TRIP11: variants seen among roughly 807,000 people sequenced by gnomAD.
TRIP11 encodes the protein thyroid receptor-interacting protein 11.
A neutral mutation model predicts 223.1 loss-of-function variants in TRIP11; 148 were observed. That is an observed-to-expected ratio of 0.66 (90% confidence interval 0.58 to 0.76). The LOEUF is 0.76. Among genes scored for constraint, TRIP11 ranks in the 30% least tolerant of loss-of-function variants. The probability of loss-of-function intolerance (pLI) is 0.00; values close to 1 mark genes in which losing one functional copy is unlikely to be tolerated. For missense variants in TRIP11, 2,043 were observed against 2,222.0 expected, an observed-to-expected ratio of 0.92 and a Z score of 1.62; for synonymous variants, 762 against 772.6, an observed-to-expected ratio of 0.99 and a Z score of 0.23.
At chr14:92,017,646 G>T in intron 5 of TRIP11, 36 bp downstream of exon 5, 1 of 1,513,094 alleles carries the variant, frequency 6.6e-7, no homozygotes, top group Non-Finnish European at 9.2e-7. Context: ...AGATTTAGAT[G>T]TATAACTCCC....
intron 9 of TRIP11, 99 bp downstream of exon 9, chr14:92,010,887 G>T: frequency 8.9e-7 from 1 of 1,118,664 alleles, no homozygotes; most frequent in Non-Finnish European, 1.4e-6. Flanking sequence ...AAGGACTTGA[G>T]CTCAATTACT....
At chr14:92,031,342 TG>T (rs1356111800) in intron 2 of TRIP11, among the ~76,000 whole-genome samples, 1 of 152,048 alleles carries the variant, frequency 6.6e-6, no homozygotes, top group East Asian at 1.9e-4. Context: ...TGACCTCAAG[TG>T]ATCTGCCCAC....
rs765743627 is a variant in TRIP11 at position 91,993,908 on chromosome 14, T to C, written c.5061A>G (p.Glu1687=). The C allele has an allele frequency of 2.6e-5, 42 of 1,611,892 alleles. No homozygotes were observed. Among genetic ancestry groups the C allele is most frequent in the Non-Finnish European group, 3.4e-6 (4 of 1,178,856 alleles). Residue 1687 remains glutamate (E), a synonymous_variant, in exon 15 of 21, where the codon GAA becomes GAG. Transcript: ENST00000267622. ...QMVLEHFQQE[E]KAMYSAELEK... Reference sequence around the variant, plus strand: ...CGAGTTCAGCAGAATACATAGCTTTTTCCTCTAAAGAGAAAAGAAAGTTAA... The same window carrying C: ...CGAGTTCAGCAGAATACATAGCTTTCTCCTCTAAAGAGAAAAGAAAGTTAA...
At chr14:92,036,607 T>C (rs1224644131) in intron 1 of TRIP11, among the ~76,000 whole-genome samples, 3 of 152,238 alleles carry the variant, frequency 2.0e-5, no homozygotes, top group Non-Finnish European at 4.4e-5. Flanking sequence ...CTTCTGATAT[T>C]GTAAATATGG....
At chr14:91,990,521 T>G (rs1445098679) in intron 15 of TRIP11, among the ~76,000 whole-genome samples, 1 of 152,192 alleles carries the variant, frequency 6.6e-6, no homozygotes, top group Non-Finnish European at 1.5e-5. Flanking sequence ...TTTGGCTGGG[T>G]GCTGTGACAC....
intron 15 of TRIP11, among the ~76,000 whole-genome samples, chr14:91,993,212 C>A (rs1595377920): frequency 7.2e-5 from 11 of 151,852 alleles, no homozygotes; most frequent in African/African-American, 2.7e-4. Context: ...CGCAGTGGCT[C>A]TCACCTGTAA....
At chr14:91,976,211 A>G (rs762176083) in intron 16 of TRIP11, 22 bp from the exon 17 acceptor site, 1 of 1,600,730 alleles carries the variant, frequency 6.2e-7, no homozygotes, top group Admixed American at 1.7e-5. Context: ...TATGTGAATA[A>G]AGATAGCCAT....
Position 91,969,418 on chromosome 14 carries a change from G to A in TRIP11, c.*255C>T. 1 of 482,050 alleles carries A rather than the reference G, an allele frequency of 2.1e-6. No individual in the cohort carries two copies. Among genetic ancestry groups the A allele is most frequent in the Non-Finnish European group, 3.7e-6 (1 of 267,608 alleles). The allele number at this position is 482,050 out of a possible 1,614,324, so 29.9% of individuals were successfully genotyped here. On this transcript the variant is annotated 3_prime_UTR_variant, in exon 21 of 21. Coordinates refer to ENST00000267622, the MANE Select transcript of TRIP11 (RefSeq NM_004239.4). ...GTCTGTCTGTATTTTTGTAAATTAA[G>A]GTAAAAGATAAATTAAATGTTCCTA...
At chr14:91,992,268 T>C (rs142975818) in intron 15 of TRIP11, among the ~76,000 whole-genome samples, 117 of 151,184 alleles carry the variant, frequency 7.7e-4, no homozygotes, top group African/African-American at 2.6e-3. Flanking sequence ...CCAAACAAAA[T>C]AAGGAAGTAA....
intron 16 of TRIP11, among the ~76,000 whole-genome samples, chr14:91,986,880 G>A (rs531177843): frequency 3.3e-5 from 5 of 152,282 alleles, no homozygotes; most frequent in South Asian, 2.1e-4. Context: ...CAATACAGAA[G>A]ATGCTACCAT....
At chr14:92,027,874 A>G (rs889540522) in intron 2 of TRIP11, among the ~76,000 whole-genome samples, 3 of 152,200 alleles carry the variant, frequency 2.0e-5, no homozygotes, top group Non-Finnish European at 4.4e-5. Flanking sequence ...GAGAAAACCA[A>G]TGGAATAATC....
intron 7 of TRIP11, among the ~76,000 whole-genome samples, chr14:92,013,163 A>T (rs1234958034): frequency 6.6e-6 from 1 of 152,144 alleles, no homozygotes; most frequent in African/African-American, 2.4e-5. Flanking sequence ...GCTACTTGGG[A>T]GGCTGAGGGA....
Position 92,005,023 on chromosome 14 carries a change from C to T in TRIP11, c.2953G>A (p.Asp985Asn). Residue 985 changes from aspartate to asparagine, a missense_variant, in exon 11 of 21, where the codon GAC becomes AAC. Coordinates refer to ENST00000267622, the MANE Select transcript of TRIP11 (RefSeq NM_004239.4). ...ATATCAGAGTTATCTGTTTGAATGT[C>T]CTGTCTTTCTTCATGCAACTGGGTT... ...IKTQLHEERQDIQTDNSDIFQ... is the reference protein window; with the variant it reads ...IKTQLHEERQNIQTDNSDIFQ... The T allele has an allele frequency of 1.2e-6, 2 of 1,613,936 alleles. No homozygotes were observed. The highest frequency in any genetic ancestry group is 1.7e-6 in the Non-Finnish European group (2 of 1,180,000).
intron 15 of TRIP11, among the ~76,000 whole-genome samples, chr14:91,991,376 C>A (rs574039342): frequency 4.8e-4 from 73 of 152,098 alleles, no homozygotes; most frequent in Non-Finnish European, 9.7e-4. Context: ...ATAAATAAAC[C>A]AGTCTGTGGT....
chr14:92,009,198 T>A (rs368633659), intron 9 of TRIP11, among the ~76,000 whole-genome samples: 145 of 152,282 alleles, frequency 9.5e-4, no homozygotes, highest in African/African-American at 3.4e-3. Flanking sequence ...TTTAAAAAAA[T>A]TATTTAGTGT....
Position 92,022,590 on chromosome 14 carries a change from C to T in TRIP11, c.313-759G>A, listed in dbSNP as rs148232615. On this transcript the variant is annotated intron_variant, in intron 3 of 20. Transcript: ENST00000267622. ...GCAAAAGAAATTATAAACACAGGAC[C>T]TACCAAAATGCCACATCCATTCTTG... 6.0e-3 allele frequency among the ~76,000 whole-genome samples: 907 copies of T among 152,276 alleles called. 7 individuals are homozygous for T. Among genetic ancestry groups the T allele is most frequent in the African/African-American group, 0.02 (847 of 41,552 alleles).
Position 91,978,982 on chromosome 14 carries a change from C to T in TRIP11, c.5261-2793G>A, listed in dbSNP as rs1193343459. On this transcript the variant is annotated intron_variant, in intron 16 of 20. Transcript: ENST00000267622. The surrounding 1 kb of genome is among the most constrained non-coding windows in gnomAD (Gnocchi z 4.4). The stretch of plus-strand genomic sequence containing the variant: ...TCTTATTTTAAAAAGAGAGGCTGGG[C>T]GCAGTGGCTCACGCTTGTAATCCCA... Among the ~76,000 whole-genome samples the T allele has an allele frequency of 1.3e-5, 2 of 152,130 alleles. No homozygotes were observed. The highest frequency in any genetic ancestry group is 2.1e-4 in the South Asian group (1 of 4,816).
intron 19 of TRIP11, among the ~76,000 whole-genome samples, chr14:91,974,071 T>C (rs569706025): frequency 6.6e-6 from 1 of 152,242 alleles, no homozygotes; most frequent in African/African-American, 2.4e-5. Context: ...AAACTCCACA[T>C]TCTAACTGAT....
rs753382058 is a variant in TRIP11, at chr14:92,005,685, A to G, written c.2291T>C (p.Leu764Ser). The G allele has an allele frequency of 1.2e-6, 2 of 1,613,718 alleles. No homozygotes were observed. Among genetic ancestry groups the G allele is most frequent in the African/African-American group, 2.7e-5 (2 of 74,932 alleles). The change falls in exon 11 of 21, where the codon TTA (leucine) becomes TCA (serine). Residue 764 changes from leucine to serine, a missense_variant. Transcript: ENST00000267622. ...TSALQLEHEHLIKLNQKKDME... is the reference protein window; with the variant it reads ...TSALQLEHEHSIKLNQKKDME... ...GTCTTTCTTTTGATTGAGTTTAATT[A>G]AATGCTCATGTTCCAGCTGTAAGGC... is the stretch of plus-strand genomic sequence containing the variant.
Sources: gnomAD v4.1 joint callset for allele counts (sites outside exome capture counted in the v4.1 genomes callset) on GRCh38, gnomAD v4.1.1 for gene constraint, Gnocchi (gnomAD v3.1) non-coding constraint, MANE v1.5 for transcripts, NCBI Gene and HGNC (gene_info 2026-07-23, HGNC 2026-07-21) for gene names.